Variants in ANKRD36 observed in about 807,000 individuals in gnomAD.
ANKRD36 encodes ankyrin repeat domain 36.
In ANKRD36, 179 loss-of-function variants were observed where a neutral mutation model predicts 278.1. The ratio of observed to expected loss-of-function variants is 0.64; its 90% CI spans 0.57 to 0.73. The LOEUF (loss-of-function observed/expected upper bound fraction) is 0.73, where lower values mean the gene tolerates loss of function less well. Ranked by LOEUF, ANKRD36 falls within the 30% of genes least tolerant of loss-of-function variation. The pLI, the probability that ANKRD36 is intolerant of heterozygous loss-of-function variation, is 0.00. For synonymous variants in ANKRD36, 320 were observed against 641.1 expected, an observed-to-expected ratio of 0.50 and a Z score of 7.57; for missense variants, 1,159 against 1,956.7, an observed-to-expected ratio of 0.59 and a Z score of 7.69.
At chr2:97,206,005 T>G (rs2062747924) in intron 51 of ANKRD36, 37 bp downstream of exon 51, 2 of 1,546,290 alleles carry the variant, frequency 1.3e-6, no homozygotes, top group Non-Finnish European at 1.7e-6. Flanking sequence ...AACGAGTTAA[T>G]ATATGGTCTA....
At chr2:97,209,447 G>C (rs1324489487) in intron 54 of ANKRD36, among the ~76,000 whole-genome samples, 2 of 146,270 alleles carry the variant, frequency 1.4e-5, no homozygotes, top group South Asian at 2.1e-4. Flanking sequence ...TTTAGTTTTT[G>C]ACACGTGACA....
intron 6 of ANKRD36, among the ~76,000 whole-genome samples, chr2:97,129,924 T>A (rs966507940): frequency 6.6e-6 from 1 of 152,078 alleles, no homozygotes; most frequent in African/African-American, 2.4e-5. Flanking sequence ...AGCTTTATTC[T>A]TTTGGCTTAG....
At chr2:97,148,503 CT>C (rs1476731151) in intron 11 of ANKRD36, among the ~76,000 whole-genome samples, 11 of 151,344 alleles carry the variant, frequency 7.3e-5, no homozygotes, top group African/African-American at 2.7e-4. Context: ...AGGAGGGAGA[CT>C]TTTCCAGCAG....
chr2:97,173,872 T>C (rs1250091357), intron 22 of ANKRD36, among the ~76,000 whole-genome samples: 1 of 151,546 alleles, frequency 6.6e-6, no homozygotes, highest in Non-Finnish European at 1.5e-5. Flanking sequence ...ATTTTTGTTT[T>C]TTGGTTTTTT....
chr2:97,194,451 A>C (rs1442220717), intron 38 of ANKRD36, among the ~76,000 whole-genome samples: 1 of 151,688 alleles, frequency 6.6e-6, no homozygotes, highest in African/African-American at 2.4e-5. Context: ...ATCACTCGGC[A>C]TATCCACATT....
chr2:97,188,619 G>A (rs11886261), intron 32 of ANKRD36, among the ~76,000 whole-genome samples: 3,540 of 83,678 alleles, frequency 0.042, 653 homozygotes, highest in African/African-American at 0.089. Flanking sequence ...CTGAATTGTC[G>A]TGGTAACTGT....
chr2:97,219,471 T>G (rs559851607), intron 66 of ANKRD36, among the ~76,000 whole-genome samples: 2 of 152,148 alleles, frequency 1.3e-5, no homozygotes, highest in East Asian at 3.9e-4. Flanking sequence ...TTGTTTTGTT[T>G]TTTGTTTTGT....
chr2:97,215,355 G>T (rs2153636501), intron 61 of ANKRD36, 26 bp downstream of exon 61: 1 of 1,549,022 alleles, frequency 6.5e-7, no homozygotes, highest in African/African-American at 1.4e-5. Context: ...TATATATTTT[G>T]AACTATTAAC....
At position 97,154,659 on chromosome 2, in the gene ANKRD36, T is replaced by C. The variant is rs1354749117; in HGVS notation, c.1194-16T>C. 4 of 1,478,092 alleles carry C rather than the reference T, an allele frequency of 2.7e-6. No homozygotes were observed. The highest frequency in any genetic ancestry group is 2.0e-5 in the Admixed American group (1 of 49,950). The allele number at this position is 1,478,092 out of a possible 1,614,324, so 91.6% of individuals were successfully genotyped here. On this transcript the variant is annotated splice_polypyrimidine_tract_variant and intron_variant, in intron 14 of 75. Transcript: ENST00000420699. Reference sequence around the variant, plus strand: ...AATGAACGTGCTCATTTTTGTAATATCTTTTTGCTCTGTAGGTGTCTCTAC... The same window carrying C: ...AATGAACGTGCTCATTTTTGTAATACCTTTTTGCTCTGTAGGTGTCTCTAC...
chr2:97,117,671 G>T (rs2035857828), intron 1 of ANKRD36, among the ~76,000 whole-genome samples: 2 of 151,946 alleles, frequency 1.3e-5, no homozygotes, highest in Non-Finnish European at 2.9e-5. Flanking sequence ...TTTGTAGGTA[G>T]TAATATCTAA....
chr2:97,198,892 A>G (rs2060526158), intron 44 of ANKRD36, among the ~76,000 whole-genome samples: 1 of 151,798 alleles, frequency 6.6e-6, no homozygotes, highest in Admixed American at 6.6e-5. Flanking sequence ...AAATATGGAG[A>G]GCAGTTCAAG....
rs763561047 is a variant in ANKRD36, at chr2:97,118,351, A to G, written c.320A>G (p.Gln107Arg). ...TCGGTCTAATACTGACAGGCTGTAC[A>G]ACTGAGGCAGGAGGCTTGTGCAACT... ...EDRTPLIKAV[Q>R]LRQEACATLL... Residue 107 changes from glutamine (Q) to arginine (R), a missense_variant, in exon 3 of 76, where the codon CAA becomes CGA. Transcript: ENST00000420699. The G allele has an allele frequency of 8.7e-6, 14 of 1,610,716 alleles. No homozygotes were observed. Among genetic ancestry groups the G allele is most frequent in the Non-Finnish European group, 1.2e-5 (14 of 1,178,774 alleles).
rs368117268 is a variant in ANKRD36, at chr2:97,195,389, T to G, written c.2551+472T>G. On this transcript the variant is annotated intron_variant, in intron 40 of 75. Transcript: ENST00000420699. ...ATGAAGACGGATTGTGAGGCAGGAATGTGGGAAAAGAGGAAGTCATTTATA... is the reference window on the plus strand; with the variant it reads ...ATGAAGACGGATTGTGAGGCAGGAAGGTGGGAAAAGAGGAAGTCATTTATA... Among the ~76,000 whole-genome samples, 53 of 152,020 alleles carry G rather than the reference T, an allele frequency of 3.5e-4. 1 individual carries two copies. The East Asian group carries it at 6.3e-3, about 18-fold the overall frequency.
intron 38 of ANKRD36, among the ~76,000 whole-genome samples, chr2:97,194,523 G>T (rs966676237): frequency 9.9e-5 from 15 of 151,586 alleles, no homozygotes; most frequent in African/African-American, 3.4e-4. Context: ...GTTTGAAATT[G>T]TAAGGGTATA....
chr2:97,207,193 G>T (rs1389840223), intron 52 of ANKRD36, among the ~76,000 whole-genome samples: 1 of 151,408 alleles, frequency 6.6e-6, no homozygotes, highest in Non-Finnish European at 1.5e-5. Flanking sequence ...TAAACTAGTG[G>T]ATACAAGAAA....
intron 66 of ANKRD36, among the ~76,000 whole-genome samples, chr2:97,220,338 T>G (rs1207975871): frequency 6.7e-6 from 1 of 149,622 alleles, no homozygotes; most frequent in Non-Finnish European, 1.5e-5. Context: ...TTTTATTCAT[T>G]GTTTCTAACT....
intron 40 of ANKRD36, 40 bp from the exon 41 acceptor site, chr2:97,196,553 A>G (rs1279193882): frequency 1.9e-6 from 3 of 1,603,180 alleles, no homozygotes; most frequent in East Asian, 2.2e-5. Flanking sequence ...TCTTTGTCAT[A>G]TTTATGTATG....
At chr2:97,197,766 A>G (rs2153583989) in intron 42 of ANKRD36, among the ~76,000 whole-genome samples, 1 of 152,060 alleles carries the variant, frequency 6.6e-6, no homozygotes, top group African/African-American at 2.4e-5. Context: ...TTGATAATTG[A>G]TGATATTTTT....
chr2:97,173,758 G>A (rs971673535), intron 22 of ANKRD36, among the ~76,000 whole-genome samples: 3 of 151,752 alleles, frequency 2.0e-5, no homozygotes, highest in Non-Finnish European at 4.4e-5. Flanking sequence ...GTCGCTTAAT[G>A]GAAAGCAGAA....
Sources: allele counts gnomAD v4.1 joint callset (sites outside exome capture counted in the v4.1 genomes callset), GRCh38; gene constraint gnomAD v4.1.1; transcripts MANE v1.5; gene names NCBI Gene and HGNC (gene_info 2026-07-23, HGNC 2026-07-21).